Variants in CHIC2 observed in about 807,000 individuals in gnomAD.
The protein encoded by CHIC2 is cysteine-rich hydrophobic domain-containing protein 2.
CHIC2 carries 14 observed loss-of-function variants against 25.9 expected under a neutral mutation model. The observed-to-expected ratio is 0.54, with a 90% CI of 0.36 to 0.85. The LOEUF is 0.85. CHIC2 is among the 40% of genes least tolerant of loss of function. The probability of loss-of-function intolerance (pLI) is 0.01; values close to 1 mark genes in which losing one functional copy is unlikely to be tolerated. For synonymous variants in CHIC2, 70 were observed against 72.0 expected (o/e 0.97, Z 0.14); for missense variants, 146 against 202.0 (o/e 0.72, Z 1.68).
At position 54,036,713 on chromosome 4, in the gene CHIC2, A is replaced by G. The variant is rs185288893; in HGVS notation, c.330+12242T>C. On this transcript the variant is annotated intron_variant, in intron 3 of 5. Coordinates refer to ENST00000263921, the MANE Select transcript of CHIC2 (RefSeq NM_012110.4). The stretch of plus-strand genomic sequence containing the variant: ...AGAATCTATCCTACAGTACCATGAG[A>G]TCATAAAATAATAGTACCTCCACTT... Among the ~76,000 whole-genome samples the G allele has an allele frequency of 1.4e-3, 208 of 152,286 alleles. 1 individual carries two copies. The highest frequency in any genetic ancestry group is 2.5e-3 in the Non-Finnish European group (168 of 68,016).
rs1715875641 is a variant in CHIC2 at position 54,020,865 on chromosome 4, C to A, written c.331-6746G>T. On this transcript the variant is annotated intron_variant, in intron 3 of 5. Coordinates refer to ENST00000263921, the MANE Select transcript of CHIC2 (RefSeq NM_012110.4). ...AGACGCCTGCCTGATTATTCACCCA[C>A]AATTCACTGGTGTCTGATCACTGCA... 5.3e-5 allele frequency among the ~76,000 whole-genome samples: 8 copies of A among 152,276 alleles called. No homozygotes were observed. In the South Asian group the frequency reaches 1.7e-3, roughly 32 times the overall value.
At chr4:54,026,980 A>G (rs1185787003) in intron 3 of CHIC2, among the ~76,000 whole-genome samples, 1 of 152,206 alleles carries the variant, frequency 6.6e-6, no homozygotes, top group Non-Finnish European at 1.5e-5. Flanking sequence ...TAACATATGT[A>G]TGACATGCAA....
the CHIC2 span, among the ~76,000 whole-genome samples, chr4:54,083,018 CTTT>C: frequency 1.2e-4 from 8 of 67,906 alleles, no homozygotes; most frequent in Middle Eastern, 0.016. Flanking sequence ...TTCTTTCTTT[CTTT>C]TTTTTTTTTT....
chr4:54,081,543 C>T, the CHIC2 span, among the ~76,000 whole-genome samples: 1 of 152,128 alleles, frequency 6.6e-6, no homozygotes, highest in Admixed American at 6.5e-5. Context: ...TAACATACTG[C>T]TATGGAAAGA....
intron 1 of CHIC2, among the ~76,000 whole-genome samples, chr4:54,056,792 T>C (rs530008152): frequency 2.0e-4 from 31 of 152,290 alleles, no homozygotes; most frequent in Non-Finnish European, 4.1e-4. Flanking sequence ...GAGTTTTAAA[T>C]GTAAGATATA....
At chr4:54,080,932 ATG>A in the CHIC2 span, among the ~76,000 whole-genome samples, 5 of 108,796 alleles carry the variant, frequency 4.6e-5, no homozygotes, top group East Asian at 2.9e-4. Context: ...TCATTTCACA[ATG>A]TGTGTGTGTA....
upstream of CHIC2, among the ~76,000 whole-genome samples, chr4:54,066,708 C>G (rs1038631366): frequency 6.6e-6 from 1 of 151,756 alleles, no homozygotes; most frequent in Admixed American, 6.6e-5. Context: ...TCACTGCAGC[C>G]TTGAACTCCT....
chr4:54,068,946 C>T (rs1282454343), upstream of CHIC2, among the ~76,000 whole-genome samples: 1 of 152,216 alleles, frequency 6.6e-6, no homozygotes, highest in African/African-American at 2.4e-5. Context: ...GCTCACAGAA[C>T]TCGGGGAAAC....
the CHIC2 span, among the ~76,000 whole-genome samples, chr4:54,091,346 G>A: frequency 6.6e-6 from 1 of 152,178 alleles, no homozygotes; most frequent in Non-Finnish European, 1.5e-5. Context: ...CAAGAGGAAG[G>A]CGTGCCTAGT....
the CHIC2 span, among the ~76,000 whole-genome samples, chr4:54,081,719 C>T: frequency 4.8e-3 from 728 of 151,824 alleles, 6 homozygotes; most frequent in African/African-American, 0.016. Flanking sequence ...TTGCTTGTTG[C>T]TGTTGTTGTT....
rs1367549152 is a variant in CHIC2, at chr4:54,064,396, C to T, written c.-96G>A. On this transcript the variant is annotated 5_prime_UTR_variant, in exon 1 of 6. Transcript: ENST00000263921. The surrounding 1 kb of genome is among the most constrained non-coding windows in gnomAD (Gnocchi z 4.2). ...GGCGGCGGAGGCTGAGGGGAGTCGC[C>T]GCTGCCGCCGGCTCCGAGGCCGCGG... 12 of 1,549,768 alleles carry T rather than the reference C, an allele frequency of 7.7e-6. No individual in the cohort carries two copies. The highest frequency in any genetic ancestry group is 2.1e-5 in the Admixed American group (1 of 46,534).
chr4:54,090,060 T>C, the CHIC2 span, among the ~76,000 whole-genome samples: 1 of 152,190 alleles, frequency 6.6e-6, no homozygotes, highest in African/African-American at 2.4e-5. Context: ...CCAAGATATC[T>C]CATTATATAC....
At chr4:54,024,346 A>T (rs1715994485) in intron 3 of CHIC2, among the ~76,000 whole-genome samples, 1 of 152,132 alleles carries the variant, frequency 6.6e-6, no homozygotes, top group African/African-American at 2.4e-5. Context: ...TGGATAGATG[A>T]TCTTTGCTGA....
At chr4:54,056,370 A>C (rs946904891) in intron 1 of CHIC2, among the ~76,000 whole-genome samples, 2 of 152,204 alleles carry the variant, frequency 1.3e-5, no homozygotes, top group Non-Finnish European at 2.9e-5. Flanking sequence ...TATAAATCTT[A>C]AGAGCAAAAT....
In CHIC2 at chr4:54,049,309, T is replaced by C; in HGVS notation, c.120-4A>G. The C allele has an allele frequency of 6.4e-7, 1 of 1,562,044 alleles. No homozygotes were observed. The highest frequency in any genetic ancestry group is 8.7e-7 in the Non-Finnish European group (1 of 1,145,180). ...AAATTTGTTGCTCAGTCCAAATCTATTTTAAAAAATAAGAAGAATATGTTA... is the reference window on the plus strand; with the variant it reads ...AAATTTGTTGCTCAGTCCAAATCTACTTTAAAAAATAAGAAGAATATGTTA... On this transcript the variant is annotated splice_polypyrimidine_tract_variant and splice_region_variant and intron_variant, in intron 1 of 5. Coordinates refer to ENST00000263921, the MANE Select transcript of CHIC2 (RefSeq NM_012110.4).
upstream of CHIC2, among the ~76,000 whole-genome samples, chr4:54,067,282 C>G (rs1717536466): frequency 1.0e-5 from 1 of 96,524 alleles, no homozygotes; most frequent in African/African-American, 3.8e-5. Context: ...TTTTTCCTTT[C>G]TGTGTGTGTG....
At chr4:54,081,673 G>C in the CHIC2 span, among the ~76,000 whole-genome samples, 3 of 152,092 alleles carry the variant, frequency 2.0e-5, no homozygotes, top group African/African-American at 4.8e-5. Context: ...GGAAACCACT[G>C]GTGAATTTGG....
chr4:54,075,902 C>CA, the CHIC2 span, among the ~76,000 whole-genome samples: 1 of 152,154 alleles, frequency 6.6e-6, no homozygotes, highest in Non-Finnish European at 1.5e-5. Flanking sequence ...TGTTCATTTG[C>CA]AATGTCACAT....
At chr4:54,056,225 T>C (rs1717169193) in intron 1 of CHIC2, among the ~76,000 whole-genome samples, 1 of 152,158 alleles carries the variant, frequency 6.6e-6, no homozygotes, top group Non-Finnish European at 1.5e-5. Context: ...CTGATGAAAA[T>C]GCACAGTATA....
Sources: allele counts gnomAD v4.1 joint callset (sites outside exome capture counted in the v4.1 genomes callset), GRCh38; gene constraint gnomAD v4.1.1; non-coding constraint Gnocchi (gnomAD v3.1); transcripts MANE v1.5; gene names NCBI Gene and HGNC (gene_info 2026-07-23, HGNC 2026-07-21).